Variants in VWC2L observed in about 807,000 individuals in gnomAD.
The protein encoded by VWC2L is von Willebrand factor C domain-containing protein 2-like.
VWC2L carries 10 observed loss-of-function variants against 21.6 expected under a neutral mutation model. That is an observed-to-expected ratio of 0.46 (90% CI 0.29 to 0.78). The LOEUF is 0.78. VWC2L is among the 30% of genes least tolerant of loss of function. The probability of loss-of-function intolerance (pLI) is 0.10; values close to 1 mark genes in which losing one functional copy is unlikely to be tolerated. For missense variants in VWC2L, 209 were observed against 277.1 expected, an observed-to-expected ratio of 0.75 and a Z score of 1.74; for synonymous variants, 96 against 94.3, an observed-to-expected ratio of 1.02 and a Z score of -0.10.
At chr2:214,559,886 C>T (rs1238730768) in intron 3 of VWC2L, among the ~76,000 whole-genome samples, 1 of 152,196 alleles carries the variant, frequency 6.6e-6, no homozygotes, top group African/African-American at 2.4e-5. Flanking sequence ...TAGGCATGAG[C>T]CACTGAGCCC....
intron 3 of VWC2L, among the ~76,000 whole-genome samples, chr2:214,485,857 A>T (rs1688666118): frequency 1.3e-5 from 2 of 152,228 alleles, no homozygotes; most frequent in Non-Finnish European, 2.9e-5. Context: ...ATTGCAAAGA[A>T]ATAAATATTG....
rs1297534551 is a variant in VWC2L, at chr2:214,411,620, T to A, written c.-247T>A. 2 of 152,216 alleles carry A rather than the reference T, an allele frequency of 1.3e-5. No individual in the cohort carries two copies. Among genetic ancestry groups the A allele is most frequent in the Non-Finnish European group, 2.9e-5 (2 of 68,046 alleles). 9.4% of individuals were successfully genotyped at this position (152,216 alleles called of 1,614,324 possible). ...GAAGGGCGGGAGACTGCTTCTTTAC[T>A]GTGTTTTGAAATGGGAGGTAGAGAG... On this transcript the variant is annotated 5_prime_UTR_variant, in exon 1 of 4. Transcript: ENST00000312504.
At chr2:214,537,152 T>G (rs1689548159) in intron 3 of VWC2L, among the ~76,000 whole-genome samples, 1 of 152,078 alleles carries the variant, frequency 6.6e-6, no homozygotes, top group South Asian at 2.1e-4. Flanking sequence ...TCAAACCTCG[T>G]GTGTCCACTC....
intron 3 of VWC2L, among the ~76,000 whole-genome samples, chr2:214,574,487 A>T (rs1690198619): frequency 6.6e-6 from 1 of 152,200 alleles, no homozygotes; most frequent in Admixed American, 6.5e-5. Context: ...ATAGCCCCAG[A>T]TTTCATTTAT....
intron 3 of VWC2L, among the ~76,000 whole-genome samples, chr2:214,567,135 T>C (rs1023626946): frequency 3.3e-5 from 5 of 152,224 alleles, no homozygotes; most frequent in African/African-American, 1.2e-4. Context: ...TAATAAATTT[T>C]CAAATCAAGG....
chr2:214,564,236 A>G lies in VWC2L; in HGVS notation c.521-11436A>G, dbSNP rs1026114017. 7.2e-5 allele frequency among the ~76,000 whole-genome samples: 11 copies of G among 152,334 alleles called. No homozygotes were observed. The Middle Eastern group carries it at 0.01, about 141-fold the overall frequency. On this transcript the variant is annotated intron_variant, in intron 3 of 3. Transcript: ENST00000312504. ...AAGAATCAATATTGTGAAAATGGCC[A>G]TACTACCTAAAGTAATCTATAGATT...
intron 3 of VWC2L, among the ~76,000 whole-genome samples, chr2:214,514,299 A>G (rs1689106019): frequency 6.6e-6 from 1 of 152,100 alleles, no homozygotes; most frequent in Non-Finnish European, 1.5e-5. Flanking sequence ...TGTAAAAGAA[A>G]CAGAAAAGCA....
At chr2:214,426,919 G>A (rs116630929) in intron 2 of VWC2L, among the ~76,000 whole-genome samples, 2,435 of 152,160 alleles carry the variant, frequency 0.016, 58 homozygotes, top group African/African-American at 0.055. Context: ...TGCTTTATAG[G>A]GCTTGACTGG....
At chr2:214,417,513 A>G (rs754678583) in intron 2 of VWC2L, among the ~76,000 whole-genome samples, 5 of 152,196 alleles carry the variant, frequency 3.3e-5, no homozygotes, top group Non-Finnish European at 7.3e-5. Flanking sequence ...CTGTTCTTCA[A>G]GAAGTACTTG....
Position 214,469,284 on chromosome 2 carries a change from T to C in VWC2L, c.520+32526T>C, listed in dbSNP as rs942816983. ...AAGAAGTTGGTCTGCTTCAGGTCTATACCTCCTCACTAAAAGCTCCTTAAA... is the reference window on the plus strand; with the variant it reads ...AAGAAGTTGGTCTGCTTCAGGTCTACACCTCCTCACTAAAAGCTCCTTAAA... On this transcript the variant is annotated intron_variant, in intron 3 of 3. Coordinates refer to ENST00000312504, the MANE Select transcript of VWC2L (RefSeq NM_001080500.4). 3.9e-5 allele frequency among the ~76,000 whole-genome samples: 6 copies of C among 152,170 alleles called. No homozygotes were observed. The East Asian group carries it at 1.2e-3, about 29-fold the overall frequency.
chr2:214,533,629 T>C (rs936753184), intron 3 of VWC2L, among the ~76,000 whole-genome samples: 3 of 151,666 alleles, frequency 2.0e-5, no homozygotes, highest in Admixed American at 6.6e-5. Flanking sequence ...AAAGACACAG[T>C]TGTTATTCCT....
Position 214,575,862 on chromosome 2 carries a change from T to A in VWC2L, c.*42T>A. The A allele has an allele frequency of 6.3e-7, 1 of 1,589,716 alleles. No homozygotes were observed. The highest frequency in any genetic ancestry group is 2.3e-5 in the East Asian group (1 of 44,228). ...ATGATGAGTTCTTAGGAAAGGATGCTATGGCTTCAACACTGCACATGTTTA... is the reference window on the plus strand; with the variant it reads ...ATGATGAGTTCTTAGGAAAGGATGCAATGGCTTCAACACTGCACATGTTTA... On this transcript the variant is annotated 3_prime_UTR_variant, in exon 4 of 4. Transcript: ENST00000312504.
chr2:214,488,418 C>CA (rs1227966646), intron 3 of VWC2L, among the ~76,000 whole-genome samples: 1 of 152,052 alleles, frequency 6.6e-6, no homozygotes, highest in African/African-American at 2.4e-5. Flanking sequence ...GGCAACATGG[C>CA]AAAACCCTGT....
intron 2 of VWC2L, among the ~76,000 whole-genome samples, chr2:214,430,553 ACAT>A (rs763769213): frequency 6.6e-6 from 1 of 152,120 alleles, no homozygotes; most frequent in Non-Finnish European, 1.5e-5. Context: ...TTTAAATTAG[ACAT>A]CATATTTCTG....
chr2:214,436,211 A>G (rs1181524143), intron 2 of VWC2L: 1 of 163,080 alleles, frequency 6.1e-6, no homozygotes, highest in East Asian at 1.6e-4. Flanking sequence ...GTTTCTCAGT[A>G]ATTCTCCTCC....
At chr2:214,461,436 A>G (rs1703138837) in intron 3 of VWC2L, among the ~76,000 whole-genome samples, 1 of 152,162 alleles carries the variant, frequency 6.6e-6, no homozygotes, top group Admixed American at 6.5e-5. Context: ...AGGCCCCCAA[A>G]TGTCACAACC....
intron 3 of VWC2L, among the ~76,000 whole-genome samples, chr2:214,475,404 G>T (rs962663414): frequency 6.6e-6 from 1 of 151,738 alleles, no homozygotes; most frequent in Non-Finnish European, 1.5e-5. Context: ...AAAAAAGAAA[G>T]AAATGTGCTC....
chr2:214,444,853 TA>T (rs1702815601), intron 3 of VWC2L, among the ~76,000 whole-genome samples: 1 of 152,068 alleles, frequency 6.6e-6, no homozygotes, highest in East Asian at 1.9e-4. Flanking sequence ...TATAAAAAGA[TA>T]AAAATAAATT....
chr2:214,557,317 G>A (rs766441167), intron 3 of VWC2L, among the ~76,000 whole-genome samples: 8 of 152,056 alleles, frequency 5.3e-5, no homozygotes, highest in Non-Finnish European at 8.8e-5. Context: ...ATCAAATCTC[G>A]TGAGACGTAT....
Sources: gnomAD v4.1 joint callset for allele counts (sites outside exome capture counted in the v4.1 genomes callset) on GRCh38, gnomAD v4.1.1 for gene constraint, MANE v1.5 for transcripts, NCBI Gene and HGNC (gene_info 2026-07-23, HGNC 2026-07-21) for gene names.